The following CACNA1C variants were observed in gnomAD, a reference collection of about 807,000 sequenced individuals.
The protein encoded by CACNA1C is voltage-dependent L-type calcium channel subunit alpha-1C.
A neutral mutation model predicts 229.0 loss-of-function variants in CACNA1C; 30 were observed. The ratio of observed to expected loss-of-function variants is 0.13; its 90% CI spans 0.10 to 0.18. The LOEUF (loss-of-function observed/expected upper bound fraction) is 0.18. Ranked by LOEUF, CACNA1C falls within the 10% of genes least tolerant of loss-of-function variation. The pLI, the probability that CACNA1C is intolerant of heterozygous loss-of-function variation, is 1.00. For missense variants in CACNA1C, 1,658 were observed against 2,845.0 expected, an observed-to-expected ratio of 0.58 and a Z score of 9.49; for synonymous variants, 1,114 against 1,132.5, an observed-to-expected ratio of 0.98 and a Z score of 0.33.
At chr12:2,222,298 T>G (rs2061665422) in intron 3 of CACNA1C, 1 of 152,240 alleles carries the variant, frequency 6.6e-6, no homozygotes, top group Non-Finnish European at 1.5e-5. Context: ...TTCAGAAAGT[T>G]TGTGTTGAGT....
At chr12:2,424,272 G>A (rs763559939) in intron 3 of CACNA1C, among the ~76,000 whole-genome samples, 2 of 152,154 alleles carry the variant, frequency 1.3e-5, no homozygotes, top group Non-Finnish European at 2.9e-5. Context: ...GCACTCAGCT[G>A]TCCATCCTCA....
intron 13 of CACNA1C, among the ~76,000 whole-genome samples, chr12:2,576,892 G>A (rs536058500): frequency 1.3e-5 from 2 of 152,266 alleles, no homozygotes; most frequent in East Asian, 3.9e-4. Context: ...CATCTCCTCT[G>A]AACCCTATCA....
intron 1 of CACNA1C, among the ~76,000 whole-genome samples, chr12:2,019,537 GGAAGGAAGGAAA>G (rs1041582587): frequency 4.1e-5 from 6 of 145,634 alleles, no homozygotes; most frequent in South Asian, 2.2e-4. Context: ...GGAAAAGAAA[GGAAGGAAGGAAA>G]GAAGGAAGGA....
At chr12:2,293,375 T>G (rs569887810) in intron 3 of CACNA1C, among the ~76,000 whole-genome samples, 1 of 152,338 alleles carries the variant, frequency 6.6e-6, no homozygotes, top group Admixed American at 6.5e-5. Flanking sequence ...TGGAATAAAC[T>G]AAATGTCCAG....
chr12:2,544,637 C>G (rs2154591640), intron 9 of CACNA1C, among the ~76,000 whole-genome samples: 1 of 152,292 alleles, frequency 6.6e-6, no homozygotes, highest in East Asian at 1.9e-4. Flanking sequence ...GATTTTTATT[C>G]CTATTATGTA....
At chr12:2,052,495 C>A (rs2052485003), upstream of CACNA1C, among the ~76,000 whole-genome samples, 1 of 151,774 alleles carries the variant, frequency 6.6e-6, no homozygotes, top group Admixed American at 6.6e-5. Context: ...GCCTTCCCGG[C>A]GTGGCCGGCC....
chr12:2,503,701 G>A (rs542983504), intron 7 of CACNA1C, among the ~76,000 whole-genome samples: 44 of 152,304 alleles, frequency 2.9e-4, no homozygotes, highest in African/African-American at 8.4e-4. Flanking sequence ...CAGCTCCGGC[G>A]CACCACTCCC....
At chr12:2,600,238 C>T (rs1288790806) in intron 21 of CACNA1C, among the ~76,000 whole-genome samples, 1 of 152,174 alleles carries the variant, frequency 6.6e-6, no homozygotes, top group African/African-American at 2.4e-5. Context: ...GCAAGGCTTC[C>T]AGATGGTGGG....
intron 3 of CACNA1C, among the ~76,000 whole-genome samples, chr12:2,297,891 C>T (rs753597948): frequency 8.5e-5 from 13 of 152,196 alleles, no homozygotes; most frequent in Middle Eastern, 3.4e-3. Context: ...CACACACACA[C>T]GTGTGCACAT....
intron 6 of CACNA1C, among the ~76,000 whole-genome samples, chr12:2,492,411 G>T (rs1325702335): frequency 6.6e-6 from 1 of 152,198 alleles, no homozygotes; most frequent in Non-Finnish European, 1.5e-5. Flanking sequence ...TATCTTGATA[G>T]AGGTCAGAAA....
At chr12:2,294,332 G>A (rs966977324) in intron 3 of CACNA1C, among the ~76,000 whole-genome samples, 2 of 152,004 alleles carry the variant, frequency 1.3e-5, no homozygotes, top group Admixed American at 6.6e-5. Context: ...TGAGGCACGG[G>A]TACGGTTGTG....
chr12:2,548,682 T>C (rs1282768540), intron 9 of CACNA1C, among the ~76,000 whole-genome samples: 1 of 152,204 alleles, frequency 6.6e-6, no homozygotes, highest in African/African-American at 2.4e-5. Context: ...GTATCTTCCA[T>C]GTTCTTGAAA....
chr12:2,009,846 T>C (rs2044081112), intron 1 of CACNA1C, among the ~76,000 whole-genome samples: 1 of 152,208 alleles, frequency 6.6e-6, no homozygotes. Flanking sequence ...TCTATCTACG[T>C]GACCTTCAAC....
intron 3 of CACNA1C, among the ~76,000 whole-genome samples, chr12:2,340,800 C>G (rs914567337): frequency 4.6e-5 from 7 of 151,726 alleles, no homozygotes; most frequent in African/African-American, 1.7e-4. Context: ...TCTAAAAATA[C>G]AAAAAAATTA....
chr12:2,297,280 G>A (rs187970685), intron 3 of CACNA1C, among the ~76,000 whole-genome samples: 1 of 152,190 alleles, frequency 6.6e-6, no homozygotes, highest in Non-Finnish European at 1.5e-5. Context: ...TTCACCAGAG[G>A]CATTTAAAGG....
At chr12:2,219,864 G>A (rs780816887) in intron 3 of CACNA1C, among the ~76,000 whole-genome samples, 1 of 152,158 alleles carries the variant, frequency 6.6e-6, no homozygotes, top group African/African-American at 2.4e-5. Flanking sequence ...GGATCTGGAG[G>A]CCTGGAGTCT....
chr12:2,031,631 T>A (rs1006073710), intron 1 of CACNA1C, among the ~76,000 whole-genome samples: 3 of 152,200 alleles, frequency 2.0e-5, no homozygotes, highest in Non-Finnish European at 4.4e-5. Flanking sequence ...CCCCTTACCT[T>A]AGAGTAAAGG....
At chr12:2,634,673 A>C (rs1159325176) in intron 30 of CACNA1C, among the ~76,000 whole-genome samples, 1 of 151,574 alleles carries the variant, frequency 6.6e-6, no homozygotes, top group African/African-American at 2.4e-5. Flanking sequence ...ACTGTATCGG[A>C]GGAAGCAGCT....
At chr12:1,978,026 G>T (rs192384618) in intron 1 of CACNA1C, among the ~76,000 whole-genome samples, 4 of 152,250 alleles carry the variant, frequency 2.6e-5, no homozygotes, top group East Asian at 3.9e-4. Flanking sequence ...CTAGGAAATT[G>T]ACATTTAAAA....
Sources: gnomAD v4.1 joint callset for allele counts (sites outside exome capture counted in the v4.1 genomes callset) on GRCh38, gnomAD v4.1.1 for gene constraint, MANE v1.5 for transcripts, NCBI Gene and HGNC (gene_info 2026-07-23, HGNC 2026-07-21) for gene names.